Variants in RASAL2 observed in about 807,000 individuals in gnomAD.
RASAL2 encodes the protein RAS protein activator like 2.
RASAL2 carries 58 observed loss-of-function variants against 128.9 expected under a neutral mutation model. The ratio of observed to expected loss-of-function variants is 0.45; its 90% confidence interval spans 0.36 to 0.56. RASAL2 has a LOEUF of 0.56. Among genes scored for constraint, RASAL2 ranks in the 20% least tolerant of loss-of-function variants. The pLI is 0.00. For missense variants in RASAL2, 1,360 were observed against 1,601.6 expected, an observed-to-expected ratio of 0.85 and a Z score of 2.57; for synonymous variants, 561 against 580.8, an observed-to-expected ratio of 0.97 and a Z score of 0.49.
At chr1:178,141,874 G>A (rs907743567) in intron 1 of RASAL2, among the ~76,000 whole-genome samples, 1 of 152,028 alleles carries the variant, frequency 6.6e-6, no homozygotes, top group Non-Finnish European at 1.5e-5. Flanking sequence ...GGGGCATATG[G>A]GTGTAGGTGG....
chr1:178,406,754 C>G (rs1360324806), intron 4 of RASAL2, among the ~76,000 whole-genome samples: 2 of 151,862 alleles, frequency 1.3e-5, no homozygotes, highest in East Asian at 1.9e-4. Flanking sequence ...GTCCCTCTAG[C>G]AGATCTTAAC....
chr1:178,271,716 G>A (rs750667064), intron 1 of RASAL2, among the ~76,000 whole-genome samples: 13 of 152,218 alleles, frequency 8.5e-5, no homozygotes, highest in South Asian at 2.1e-4. Context: ...GCAAATCAGC[G>A]GTGTCATTCC....
intron 4 of RASAL2, among the ~76,000 whole-genome samples, chr1:178,413,654 AG>A (rs1441420350): frequency 2.0e-5 from 3 of 152,232 alleles, no homozygotes; most frequent in African/African-American, 7.2e-5. Flanking sequence ...GGCAAGCATC[AG>A]AACCATCCTC....
At chr1:178,369,290 C>T (rs1202421048) in intron 3 of RASAL2, among the ~76,000 whole-genome samples, 1 of 152,012 alleles carries the variant, frequency 6.6e-6, no homozygotes, top group Non-Finnish European at 1.5e-5. Flanking sequence ...GGCGCGATCT[C>T]GGCTTACTGC....
chr1:178,344,703 T>C (rs773274894), intron 3 of RASAL2, among the ~76,000 whole-genome samples: 3 of 152,194 alleles, frequency 2.0e-5, no homozygotes, highest in African/African-American at 2.4e-5. Context: ...GAGGTGACTA[T>C]TGTATTGTGA....
At chr1:178,379,866 A>G (rs900309182) in intron 3 of RASAL2, among the ~76,000 whole-genome samples, 7 of 152,236 alleles carry the variant, frequency 4.6e-5, no homozygotes, top group African/African-American at 1.7e-4. Flanking sequence ...CAAGACTTAA[A>G]TGTAATTATG....
intron 3 of RASAL2, among the ~76,000 whole-genome samples, chr1:178,350,101 T>G (rs977818007): frequency 6.6e-6 from 1 of 152,270 alleles, no homozygotes; most frequent in Non-Finnish European, 1.5e-5. Context: ...TCATATCACT[T>G]GTTTTACTCA....
intron 1 of RASAL2, among the ~76,000 whole-genome samples, chr1:178,114,950 A>C (rs1659471907): frequency 6.6e-6 from 1 of 152,196 alleles, no homozygotes; most frequent in Non-Finnish European, 1.5e-5. Context: ...TATATTCATG[A>C]GGAATATTGG....
chr1:178,193,683 G>A (rs1360291870), intron 1 of RASAL2, among the ~76,000 whole-genome samples: 2 of 152,070 alleles, frequency 1.3e-5, no homozygotes, highest in East Asian at 1.9e-4. Flanking sequence ...TGTTTGGAAC[G>A]GAGTTATTCC....
rs1161268793 is a variant in RASAL2, at chr1:178,172,622, C to G, written c.202+77928C>G. ...GTCAAAAGTGATTATATAGTAATAC[C>G]TAAGTAATATAAATGAGAAATAATA... On this transcript the variant is annotated intron_variant, in intron 1 of 17. Transcript: ENST00000367649. 4.6e-5 allele frequency among the ~76,000 whole-genome samples: 7 copies of G among 151,696 alleles called. No individual in the cohort carries two copies. The East Asian group carries it at 1.4e-3, about 29-fold the overall frequency.
At chr1:178,199,114 C>A (rs1015553547) in intron 1 of RASAL2, among the ~76,000 whole-genome samples, 3 of 152,242 alleles carry the variant, frequency 2.0e-5, no homozygotes, top group African/African-American at 7.2e-5. Context: ...CTGAGCCAGG[C>A]ATGGGATATA....
intron 17 of RASAL2, among the ~76,000 whole-genome samples, chr1:178,469,735 G>T (rs970070280): frequency 2.0e-5 from 3 of 152,156 alleles, no homozygotes; most frequent in African/African-American, 7.2e-5. Context: ...TGAATATCCA[G>T]CTCCTTCCAC....
intron 17 of RASAL2, among the ~76,000 whole-genome samples, chr1:178,471,746 T>C (rs1389290352): frequency 6.6e-6 from 1 of 152,114 alleles, no homozygotes; most frequent in African/African-American, 2.4e-5. Context: ...GTATGTGATT[T>C]TACCTAGATT....
intron 3 of RASAL2, among the ~76,000 whole-genome samples, chr1:178,333,596 C>T (rs1669448004): frequency 6.6e-6 from 1 of 152,122 alleles, no homozygotes; most frequent in African/African-American, 2.4e-5. Flanking sequence ...TTAAGACCAG[C>T]ATGTTAGATA....
intron 3 of RASAL2, among the ~76,000 whole-genome samples, chr1:178,374,526 CA>C (rs1348290863): frequency 6.6e-6 from 1 of 152,144 alleles, no homozygotes; most frequent in African/African-American, 2.4e-5. Flanking sequence ...AACTGATGTT[CA>C]GGCCTTCCCA....
intron 3 of RASAL2, among the ~76,000 whole-genome samples, chr1:178,314,241 A>C (rs1668393714): frequency 1.3e-5 from 2 of 152,212 alleles, no homozygotes; most frequent in African/African-American, 4.8e-5. Flanking sequence ...TAGGTTAGGA[A>C]TATTTTTACT....
chr1:178,275,195 T>C (rs1400676818), intron 1 of RASAL2, among the ~76,000 whole-genome samples: 1 of 152,150 alleles, frequency 6.6e-6, no homozygotes, highest in Non-Finnish European at 1.5e-5. Context: ...CTTACCTCTT[T>C]TAAGAGACTG....
intron 5 of RASAL2, among the ~76,000 whole-genome samples, chr1:178,430,364 T>C (rs1195992155): frequency 6.6e-6 from 1 of 152,112 alleles, no homozygotes; most frequent in Non-Finnish European, 1.5e-5. Context: ...AATTGAAGTA[T>C]CTAATTGCAT....
At chr1:178,230,535 C>T (rs1663962385) in intron 1 of RASAL2, among the ~76,000 whole-genome samples, 1 of 152,090 alleles carries the variant, frequency 6.6e-6, no homozygotes, top group Non-Finnish European at 1.5e-5. Context: ...TGCATTTCCC[C>T]AATTACTAAT....
Sources: allele counts gnomAD v4.1 joint callset (sites outside exome capture counted in the v4.1 genomes callset), GRCh38; gene constraint gnomAD v4.1.1; transcripts MANE v1.5; gene names NCBI Gene and HGNC (gene_info 2026-07-23, HGNC 2026-07-21).